IL1RAPL1: variants seen among roughly 807,000 people sequenced by gnomAD.
The protein encoded by IL1RAPL1 is interleukin 1 receptor accessory protein like 1, also known as interleukin-1 receptor accessory protein-like 1.
IL1RAPL1 carries 3 observed loss-of-function variants against 48.4 expected under a neutral mutation model. That is an observed-to-expected ratio of 0.06 (90% CI 0.03 to 0.16). The LOEUF (loss-of-function observed/expected upper bound fraction) is 0.16. Among genes scored for constraint, IL1RAPL1 ranks in the 10% least tolerant of loss-of-function variants. The pLI is 1.00. For synonymous variants in IL1RAPL1, 185 were observed against 187.7 expected (o/e 0.99, Z 0.12); for missense variants, 349 against 530.6 (o/e 0.66, Z 3.36).
intron 2 of IL1RAPL1, among the ~76,000 whole-genome samples, chrX:29,272,273 G>C (rs1341960722): frequency 9.0e-6 from 1 of 111,328 alleles, no homozygotes; most frequent in Non-Finnish European, 1.9e-5. Flanking sequence ...GTCTGTTTTT[G>C]TACCAGTGCC....
chrX:29,883,428 G>T (rs895315674), intron 6 of IL1RAPL1, among the ~76,000 whole-genome samples: 3 of 111,846 alleles, frequency 2.7e-5, no homozygotes, highest in Admixed American at 9.5e-5. Context: ...ATCCAAGAGA[G>T]AATTTTATTA....
chrX:29,300,136 G>C (rs185475843), intron 3 of IL1RAPL1, among the ~76,000 whole-genome samples: 2 of 111,898 alleles, frequency 1.8e-5, no homozygotes, highest in South Asian at 3.7e-4. Flanking sequence ...AATAAGCATC[G>C]CTTCTTTACA....
chrX:28,913,748 A>G (rs1257991196), intron 2 of IL1RAPL1, among the ~76,000 whole-genome samples: 1 of 111,837 alleles, frequency 8.9e-6, no homozygotes, highest in African/African-American at 3.3e-5. Flanking sequence ...CTCTTATGGC[A>G]TAGAAACATG....
intron 3 of IL1RAPL1, among the ~76,000 whole-genome samples, chrX:29,351,737 A>G (rs1933233528): frequency 8.9e-6 from 1 of 112,237 alleles, no homozygotes; most frequent in Non-Finnish European, 1.9e-5. Flanking sequence ...TGAAGGTGAT[A>G]AAGGCCAAGG....
intron 6 of IL1RAPL1, among the ~76,000 whole-genome samples, chrX:29,824,544 C>A (rs1412197534): frequency 5.4e-5 from 6 of 112,011 alleles, no homozygotes; most frequent in African/African-American, 1.9e-4. Flanking sequence ...GAGTTCCAAT[C>A]CAATTCGAAG....
intron 2 of IL1RAPL1, among the ~76,000 whole-genome samples, chrX:29,126,132 C>T (rs1330003511): frequency 9.0e-6 from 1 of 111,286 alleles, no homozygotes; most frequent in Non-Finnish European, 1.9e-5. Context: ...GCTAATTTTA[C>T]AGTATGGTAT....
At chrX:29,809,776 C>CGT (rs770202489) in intron 6 of IL1RAPL1, among the ~76,000 whole-genome samples, 1,190 of 94,779 alleles carry the variant, frequency 0.013, 18 homozygotes, top group African/African-American at 0.043. Context: ...AAGTCGTTAA[C>CGT]TTTTTTTTTT....
intron 6 of IL1RAPL1, among the ~76,000 whole-genome samples, chrX:29,775,225 A>T (rs1929165684): frequency 9.0e-6 from 1 of 111,192 alleles, no homozygotes; most frequent in Non-Finnish European, 1.9e-5. Flanking sequence ...ATTAATCATC[A>T]TTGGGGTTGT....
chrX:28,891,994 C>A (rs886125881), intron 2 of IL1RAPL1, among the ~76,000 whole-genome samples: 4 of 111,164 alleles, frequency 3.6e-5, no homozygotes, highest in African/African-American at 6.5e-5. Flanking sequence ...TTTTCATATA[C>A]CTATTGGATA....
intron 2 of IL1RAPL1, among the ~76,000 whole-genome samples, chrX:29,094,496 G>T (rs150507602): frequency 1.5e-4 from 16 of 105,646 alleles, no homozygotes; most frequent in Non-Finnish European, 2.9e-4. Context: ...GGTGGCTCAC[G>T]CCTGTAATCC....
chrX:29,929,712 T>A (rs1932924675), intron 8 of IL1RAPL1, among the ~76,000 whole-genome samples: 1 of 111,770 alleles, frequency 8.9e-6, no homozygotes, highest in South Asian at 3.7e-4. Flanking sequence ...AGAGGCCATT[T>A]TCAAAGCCTG....
intron 2 of IL1RAPL1, among the ~76,000 whole-genome samples, chrX:28,914,599 G>A (rs1391302807): frequency 4.6e-5 from 5 of 109,623 alleles, no homozygotes; most frequent in African/African-American, 1.3e-4. Flanking sequence ...CTTTTTTTTT[G>A]TACTTAATGG....
chrX:29,226,766 C>T (rs1931091652), intron 2 of IL1RAPL1, among the ~76,000 whole-genome samples: 1 of 104,796 alleles, frequency 9.5e-6, no homozygotes, highest in Admixed American at 1.0e-4. Context: ...GAAAAAAAAA[C>T]TGTAATCAAT....
chrX:29,478,077 A>G (rs1470405168), intron 5 of IL1RAPL1, among the ~76,000 whole-genome samples: 6 of 112,240 alleles, frequency 5.3e-5, no homozygotes, highest in Non-Finnish European at 1.1e-4. Flanking sequence ...AGAGAGCAAA[A>G]CAAAAAAGGA....
chrX:28,721,542 G>T (rs1473082074), intron 1 of IL1RAPL1, among the ~76,000 whole-genome samples: 1 of 111,242 alleles, frequency 9.0e-6, no homozygotes, highest in Non-Finnish European at 1.9e-5. Context: ...CATTCTATAG[G>T]TTGCCTGTGC....
At chrX:29,393,265 G>T (rs1259256889) in intron 3 of IL1RAPL1, among the ~76,000 whole-genome samples, 1 of 111,664 alleles carries the variant, frequency 9.0e-6, no homozygotes, top group East Asian at 2.8e-4. Context: ...GGGACTACAG[G>T]CGCCCGCCAC....
chrX:29,823,465 G>A (rs1223848140), intron 6 of IL1RAPL1, among the ~76,000 whole-genome samples: 1 of 111,905 alleles, frequency 8.9e-6, no homozygotes, highest in East Asian at 2.8e-4. Flanking sequence ...TAAAACACTG[G>A]AACACAGATA....
At position 28,711,758 on chromosome X, in the gene IL1RAPL1, A is replaced by ATATAATAAATATATATAATATACAT. The variant is rs1302369847; in HGVS notation, c.-24-77561_-24-77560insATAATAAATATATATAATATACATT. On this transcript the variant is annotated intron_variant, in intron 1 of 10. Transcript: ENST00000378993. ...AAATATATATAATATACATTTATAT[A>ATATAATAAATATATATAATATACAT]TTATATATATAATAAATGTATATAA... is the stretch of plus-strand genomic sequence containing the variant. Among the ~76,000 whole-genome samples the ATATAATAAATATATATAATATACAT allele has an allele frequency of 7.3e-5, 7 of 96,114 alleles. No individual in the cohort carries two copies. The East Asian group carries it at 3.2e-3, about 44-fold the overall frequency. The allele number at this position is 96,114 out of a possible 115,157, so 83.5% of individuals were successfully genotyped here. A position where few individuals can be genotyped will look rare whatever the true frequency, so the allele number is the denominator to read the frequency against.
At chrX:28,615,778 T>C (rs1342146272) in intron 1 of IL1RAPL1, among the ~76,000 whole-genome samples, 1 of 111,286 alleles carries the variant, frequency 9.0e-6, no homozygotes, top group Non-Finnish European at 1.9e-5. Flanking sequence ...ATAAAGGAAG[T>C]CATGCCAATA....
Sources: gnomAD v4.1 joint callset for allele counts (sites outside exome capture counted in the v4.1 genomes callset) on GRCh38, gnomAD v4.1.1 for gene constraint, MANE v1.5 for transcripts, NCBI Gene and HGNC (gene_info 2026-07-23, HGNC 2026-07-21) for gene names.